PTPRN2: variants seen among roughly 807,000 people sequenced by gnomAD.
PTPRN2 encodes protein tyrosine phosphatase receptor type N2.
PTPRN2 carries 74 observed loss-of-function variants against 118.8 expected under a neutral mutation model. That is an observed-to-expected ratio of 0.62 (90% CI 0.52 to 0.76). The LOEUF is 0.76. Ranked by LOEUF, PTPRN2 falls within the 30% of genes least tolerant of loss-of-function variation. The pLI is 0.00. For synonymous variants in PTPRN2, 641 were observed against 608.0 expected, an observed-to-expected ratio of 1.05 and a Z score of -0.80; for missense variants, 1,481 against 1,394.4, an observed-to-expected ratio of 1.06 and a Z score of -0.99.
chr7:157,994,520 A>G (rs13232104), intron 11 of PTPRN2, among the ~76,000 whole-genome samples: 101,124 of 118,524 alleles, frequency 0.85, 42,450 homozygotes, highest in East Asian at 0.88. Context: ...TCAGCACCGC[A>G]TCCCCAGCTT....
rs1256575341 is a variant in PTPRN2, at chr7:158,003,571, G to A, written c.1723+77727C>T. Among the ~76,000 whole-genome samples the A allele has an allele frequency of 6.6e-5, 10 of 152,138 alleles. No individual in the cohort carries two copies. Among genetic ancestry groups the A allele is most frequent in the Non-Finnish European group, 1.3e-4 (9 of 68,026 alleles). On this transcript the variant is annotated intron_variant, in intron 11 of 22. Transcript: ENST00000389418. This position sits in a 1 kb window ranked among gnomAD's most constrained non-coding sequence, Gnocchi z 5.0. Reference sequence around the variant, plus strand: ...GCAGCCACCGTGAGCCAGGGAATGCGGCCCCAGGAACAAGCCCTGCCCACA... The same window carrying A: ...GCAGCCACCGTGAGCCAGGGAATGCAGCCCCAGGAACAAGCCCTGCCCACA...
At chr7:158,384,039 A>T (rs375856499) in intron 2 of PTPRN2, among the ~76,000 whole-genome samples, 18 of 151,912 alleles carry the variant, frequency 1.2e-4, no homozygotes, top group African/African-American at 4.4e-4. Flanking sequence ...AGAACTTTAA[A>T]CTCTGCTTGA....
At chr7:158,361,567 C>A (rs1302739974) in intron 2 of PTPRN2, among the ~76,000 whole-genome samples, 2 of 152,236 alleles carry the variant, frequency 1.3e-5, no homozygotes, top group African/African-American at 4.8e-5. Context: ...AATATTCAGA[C>A]CTGAGACCCA....
intron 11 of PTPRN2, among the ~76,000 whole-genome samples, chr7:158,011,877 T>A (rs4716530): frequency 1.3e-5 from 2 of 152,128 alleles, no homozygotes; most frequent in African/African-American, 4.8e-5. Context: ...GGTCATAGAT[T>A]GTTATTTTAC....
chr7:158,246,063 A>T (rs1796228146), intron 3 of PTPRN2, among the ~76,000 whole-genome samples: 1 of 152,078 alleles, frequency 6.6e-6, no homozygotes, highest in South Asian at 2.1e-4. Flanking sequence ...CCCTCCAGGG[A>T]TGACCCAGGA....
intron 11 of PTPRN2, among the ~76,000 whole-genome samples, chr7:157,993,321 T>C (rs939286772): frequency 3.3e-5 from 5 of 151,138 alleles, no homozygotes; most frequent in African/African-American, 1.2e-4. Flanking sequence ...TGTATGACTT[T>C]ATGAAATTAA....
chr7:157,701,246 G>A (rs946258264), intron 12 of PTPRN2, among the ~76,000 whole-genome samples: 1 of 152,170 alleles, frequency 6.6e-6, no homozygotes, highest in South Asian at 2.1e-4. Context: ...CCCACACACT[G>A]AGGGCATGTT....
chr7:157,704,171 G>A (rs1798214640), intron 12 of PTPRN2, among the ~76,000 whole-genome samples: 1 of 152,212 alleles, frequency 6.6e-6, no homozygotes, highest in African/African-American at 2.4e-5. Context: ...TGTGACTGAG[G>A]CAAGTGGCTT....
At chr7:158,369,575 T>C (rs967791597) in intron 2 of PTPRN2, among the ~76,000 whole-genome samples, 4 of 152,156 alleles carry the variant, frequency 2.6e-5, no homozygotes, top group Admixed American at 6.5e-5. Context: ...CCAAGGGGAA[T>C]CTGCTCATTC....
At position 158,524,792 on chromosome 7, in the gene PTPRN2, C is replaced by T. The variant is rs376275859; in HGVS notation, c.113-35007G>A. Among the ~76,000 whole-genome samples, 4 of 152,310 alleles carry T rather than the reference C, an allele frequency of 2.6e-5. No individual in the cohort carries two copies. In the East Asian group the frequency reaches 5.8e-4, roughly 22 times the overall value. ...ACACTGAAGTCCTGCAGCTGCCCCA[C>T]GGAATCTGCATACACAAAAAGTCAG... On this transcript the variant is annotated intron_variant, in intron 1 of 22. Coordinates refer to ENST00000389418, the MANE Select transcript of PTPRN2 (RefSeq NM_002847.5).
At chr7:158,312,957 CGT>C (rs1376790750) in intron 3 of PTPRN2, among the ~76,000 whole-genome samples, 1 of 149,852 alleles carries the variant, frequency 6.7e-6, no homozygotes, top group Non-Finnish European at 1.5e-5. Flanking sequence ...GGGGTGTGTG[CGT>C]GTGTGCATGT....
rs146822308 is a variant in PTPRN2 at position 158,035,534 on chromosome 7, G to A, written c.1723+45764C>T. On this transcript the variant is annotated intron_variant, in intron 11 of 22. Transcript: ENST00000389418. ...TTGGGGTCTGCCCACAGGAGGGCAG[G>A]GGGCAGGTGCTGGCAGCGCACCCCC... Among the ~76,000 whole-genome samples the A allele has an allele frequency of 6.3e-3, 953 of 152,302 alleles. 7 individuals carry two copies. The highest frequency in any genetic ancestry group is 0.024 in the Middle Eastern group (7 of 294).
At chr7:157,768,435 G>C (rs1183008597) in intron 12 of PTPRN2, among the ~76,000 whole-genome samples, 4 of 152,320 alleles carry the variant, frequency 2.6e-5, no homozygotes, top group Admixed American at 1.3e-4. Context: ...GTGACAGAGT[G>C]TGGCTCCGGG....
rs897151756 is a variant in PTPRN2 at position 157,780,675 on chromosome 7, G to A, written c.1789-97738C>T. ...TGCACAATGGGGCTTCACCCATTTC[G>A]CAGGGTGGTCACGGGTATTCCCTAT... On this transcript the variant is annotated intron_variant, in intron 12 of 22. Coordinates refer to ENST00000389418, the MANE Select transcript of PTPRN2 (RefSeq NM_002847.5). This position sits in a 1 kb window ranked among gnomAD's most constrained non-coding sequence, Gnocchi z 4.5. Among the ~76,000 whole-genome samples the A allele has an allele frequency of 3.3e-5, 5 of 152,184 alleles. No individual in the cohort carries two copies. Among genetic ancestry groups the A allele is most frequent in the Non-Finnish European group, 5.9e-5 (4 of 68,026 alleles).
intron 11 of PTPRN2, among the ~76,000 whole-genome samples, chr7:157,904,933 C>T (rs1333979519): frequency 2.6e-5 from 4 of 152,126 alleles, no homozygotes; most frequent in Non-Finnish European, 4.4e-5. Flanking sequence ...GCCTCGTGGT[C>T]CCCGGCATCC....
At chr7:157,697,567 T>C (rs1488006103) in intron 12 of PTPRN2, among the ~76,000 whole-genome samples, 3 of 140,792 alleles carry the variant, frequency 2.1e-5, no homozygotes, top group South Asian at 2.4e-4. Flanking sequence ...TACCCATGCA[T>C]ACTGGGTCTT....
At position 158,400,113 on chromosome 7, in the gene PTPRN2, C is replaced by T. The variant is rs530805328; in HGVS notation, c.164-83181G>A. Among the ~76,000 whole-genome samples the T allele has an allele frequency of 3.9e-5, 6 of 152,244 alleles. No individual in the cohort carries two copies. The East Asian group carries it at 7.7e-4, about 20-fold the overall frequency. ...CATGTAACAGATGCCTTTATGTCAT[C>T]GTTAAAGCTGTGCTTTCTGACAGTC... On this transcript the variant is annotated intron_variant, in intron 2 of 22. Coordinates refer to ENST00000389418, the MANE Select transcript of PTPRN2 (RefSeq NM_002847.5).
In PTPRN2 at chr7:157,831,639, C is replaced by T. The variant is rs1807576807; in HGVS notation, c.1788+67034G>A. Among the ~76,000 whole-genome samples the T allele has an allele frequency of 6.6e-6, 1 of 151,968 alleles. No homozygotes were observed. Among genetic ancestry groups the T allele is most frequent in the Admixed American group, 6.6e-5 (1 of 15,262 alleles). ...CCTGTCAGAACGAGCAGGAAGACAT[C>T]CAACCCTTATTGGGAGTCTACACAG... On this transcript the variant is annotated intron_variant, in intron 12 of 22. Coordinates refer to ENST00000389418, the MANE Select transcript of PTPRN2 (RefSeq NM_002847.5). This position sits in a 1 kb window ranked among gnomAD's most constrained non-coding sequence, Gnocchi z 4.8.
At chr7:157,594,720 T>C (rs771932218) in intron 17 of PTPRN2, among the ~76,000 whole-genome samples, 22 of 152,228 alleles carry the variant, frequency 1.4e-4, no homozygotes, top group Non-Finnish European at 2.2e-4. Flanking sequence ...AGACCCCACC[T>C]GCCCTCTGCA....
Sources: gnomAD v4.1 joint callset for allele counts (sites outside exome capture counted in the v4.1 genomes callset) on GRCh38, gnomAD v4.1.1 for gene constraint, Gnocchi (gnomAD v3.1) non-coding constraint, MANE v1.5 for transcripts, NCBI Gene and HGNC (gene_info 2026-07-23, HGNC 2026-07-21) for gene names.